Variants in ASAP1 observed in about 807,000 individuals in gnomAD.
The protein encoded by ASAP1 is arf-GAP with SH3 domain, ANK repeat and PH domain-containing protein 1.
A neutral mutation model predicts 145.2 loss-of-function variants in ASAP1; 43 were observed. The observed-to-expected ratio is 0.30, with a 90% confidence interval of 0.23 to 0.38. The LOEUF (loss-of-function observed/expected upper bound fraction) is 0.38, where lower values mean the gene tolerates loss of function less well. Among genes scored for constraint, ASAP1 ranks in the 10% least tolerant of loss-of-function variants. The probability of loss-of-function intolerance (pLI) is 1.00; values close to 1 mark genes in which losing one functional copy is unlikely to be tolerated. For missense variants in ASAP1, 1,018 were observed against 1,355.3 expected (o/e 0.75, Z 3.91); for synonymous variants, 546 against 515.5 (o/e 1.06, Z -0.80).
chr8:130,256,739 T>TATATATATATATATATA lies in ASAP1; in HGVS notation c.187-19746_187-19745insTATATATATATATATAT, dbSNP rs1565142439. Among the ~76,000 whole-genome samples, 3 of 95,904 alleles carry TATATATATATATATATA rather than the reference T, an allele frequency of 3.1e-5. 1 individual carries two copies. The highest frequency in any genetic ancestry group is 6.0e-5 in the Non-Finnish European group (3 of 49,600). The allele number at this position is 95,904 out of a possible 152,430, so 62.9% of individuals were successfully genotyped here. ...ATCTTCTTCCTGAATATACACATTC[T>TATATATATATATATATA]TATATATATATATATATATATATAT... On this transcript the variant is annotated intron_variant, in intron 3 of 29. Coordinates refer to ENST00000518721, the MANE Select transcript of ASAP1 (RefSeq NM_018482.4).
intron 4 of ASAP1, among the ~76,000 whole-genome samples, chr8:130,225,985 T>C (rs2136547037): frequency 6.6e-6 from 1 of 152,138 alleles, no homozygotes; most frequent in East Asian, 1.9e-4. Context: ...TCAAGTGATA[T>C]TCCCACTTCA....
chr8:130,272,967 G>A (rs1486218900), intron 3 of ASAP1, among the ~76,000 whole-genome samples: 1 of 152,112 alleles, frequency 6.6e-6, no homozygotes, highest in African/African-American at 2.4e-5. Context: ...ACAATATATC[G>A]TGTATTTCAA....
chr8:130,336,228 T>C (rs1411914072), intron 3 of ASAP1, among the ~76,000 whole-genome samples: 1 of 152,170 alleles, frequency 6.6e-6, no homozygotes, highest in Non-Finnish European at 1.5e-5. Context: ...AACTTAATAA[T>C]CACAGTGGGG....
chr8:130,068,327 A>G (rs1269884015), intron 27 of ASAP1, among the ~76,000 whole-genome samples: 1 of 152,196 alleles, frequency 6.6e-6, no homozygotes, highest in Non-Finnish European at 1.5e-5. Flanking sequence ...GTTACCCACA[A>G]AGGAGAAAAT....
chr8:130,191,610 G>C (rs987396850), intron 5 of ASAP1, among the ~76,000 whole-genome samples: 2 of 152,196 alleles, frequency 1.3e-5, no homozygotes, highest in African/African-American at 2.4e-5. Context: ...GTGGCAGAGG[G>C]AGAGAGTGGT....
chr8:130,349,786 G>A (rs1019383447), intron 3 of ASAP1, among the ~76,000 whole-genome samples: 1 of 152,190 alleles, frequency 6.6e-6, no homozygotes, highest in African/African-American at 2.4e-5. Flanking sequence ...GACACATAAA[G>A]TCATTTGATG....
chr8:130,068,136 A>G (rs1024802835), intron 27 of ASAP1, among the ~76,000 whole-genome samples: 4 of 152,238 alleles, frequency 2.6e-5, no homozygotes, highest in African/African-American at 9.6e-5. Context: ...GATGGATCCA[A>G]CTCCCCAGGA....
At chr8:130,410,375 C>G (rs1256224151) in intron 1 of ASAP1, among the ~76,000 whole-genome samples, 1 of 152,138 alleles carries the variant, frequency 6.6e-6, no homozygotes, top group African/African-American at 2.4e-5. Flanking sequence ...GCCAGAGAAA[C>G]AGCCTCGGGA....
intron 3 of ASAP1, among the ~76,000 whole-genome samples, chr8:130,307,622 T>C (rs1436681203): frequency 6.6e-6 from 1 of 152,238 alleles, no homozygotes; most frequent in African/African-American, 2.4e-5. Context: ...ATCATCTGCA[T>C]AGTGCTGGAC....
At chr8:130,134,706 T>C (rs2097590450) in intron 14 of ASAP1, among the ~76,000 whole-genome samples, 1 of 152,232 alleles carries the variant, frequency 6.6e-6, no homozygotes, top group African/African-American at 2.4e-5. Context: ...GGCACTGCTT[T>C]TGAATAAACA....
intron 18 of ASAP1, among the ~76,000 whole-genome samples, chr8:130,121,361 C>T (rs1176980434): frequency 6.6e-6 from 1 of 152,162 alleles, no homozygotes; most frequent in Admixed American, 6.5e-5. Flanking sequence ...TGTTTAGCAC[C>T]ATCCCTGACC....
intron 9 of ASAP1, among the ~76,000 whole-genome samples, chr8:130,177,261 T>C (rs1376759448): frequency 1.3e-5 from 2 of 152,338 alleles, no homozygotes; most frequent in Non-Finnish European, 2.9e-5. Context: ...AAGGCTAATA[T>C]ATGTATACTT....
intron 4 of ASAP1, among the ~76,000 whole-genome samples, chr8:130,233,108 T>C (rs1433303962): frequency 6.6e-6 from 1 of 152,174 alleles, no homozygotes; most frequent in Admixed American, 6.5e-5. Context: ...GCCTCAATAG[T>C]CTGTGAGGAA....
At chr8:130,157,032 T>C (rs963751736) in intron 12 of ASAP1, among the ~76,000 whole-genome samples, 1 of 152,210 alleles carries the variant, frequency 6.6e-6, no homozygotes, top group African/African-American at 2.4e-5. Context: ...TTGTTGCTCA[T>C]AATGGAACAC....
intron 4 of ASAP1, among the ~76,000 whole-genome samples, chr8:130,218,629 T>C (rs968468912): frequency 6.6e-6 from 1 of 152,136 alleles, no homozygotes; most frequent in African/African-American, 2.4e-5. Flanking sequence ...GAAGAAGGTG[T>C]TGGGAGAAGC....
chr8:130,253,973 G>A (rs1444889089), intron 3 of ASAP1, among the ~76,000 whole-genome samples: 3 of 152,014 alleles, frequency 2.0e-5, no homozygotes, highest in Non-Finnish European at 4.4e-5. Context: ...GTGAGCTGAG[G>A]TCACACCATT....
chr8:130,199,325 T>C (rs900486231), intron 5 of ASAP1, among the ~76,000 whole-genome samples: 2 of 152,238 alleles, frequency 1.3e-5, no homozygotes, highest in Non-Finnish European at 2.9e-5. Context: ...AATGGATGAA[T>C]GAATTCCTCT....
intron 24 of ASAP1, among the ~76,000 whole-genome samples, chr8:130,101,909 T>C (rs2097529530): frequency 6.6e-6 from 1 of 152,010 alleles, no homozygotes; most frequent in Admixed American, 6.6e-5. Flanking sequence ...GTTACTGGTG[T>C]ATAGAAACAC....
At chr8:130,378,965 T>A (rs1827634926) in intron 2 of ASAP1, among the ~76,000 whole-genome samples, 2 of 152,204 alleles carry the variant, frequency 1.3e-5, no homozygotes, top group Admixed American at 6.5e-5. Flanking sequence ...TTGGTCTTTG[T>A]CCTTGACTTC....
Sources: gnomAD v4.1 joint callset for allele counts (sites outside exome capture counted in the v4.1 genomes callset) on GRCh38, gnomAD v4.1.1 for gene constraint, MANE v1.5 for transcripts, NCBI Gene and HGNC (gene_info 2026-07-23, HGNC 2026-07-21) for gene names.